Variants in MAP4K1 observed in about 807,000 individuals in gnomAD.
The protein encoded by MAP4K1 is mitogen-activated protein kinase kinase kinase kinase 1.
MAP4K1 carries 35 observed loss-of-function variants against 122.8 expected under a neutral mutation model. The observed-to-expected ratio is 0.29, with a 90% CI of 0.22 to 0.38. The LOEUF is 0.38. MAP4K1 is among the 10% of genes least tolerant of loss of function. The pLI, the probability that MAP4K1 is intolerant of heterozygous loss-of-function variation, is 1.00. For synonymous variants in MAP4K1, 412 were observed against 421.3 expected (o/e 0.98, Z 0.27); for missense variants, 791 against 1,072.6 (o/e 0.74, Z 3.67).
At chr19:38,609,777 CT>C in intron 12 of MAP4K1, 103 bp from the exon 13 acceptor site, 1 of 1,331,300 alleles carries the variant, frequency 7.5e-7, no homozygotes, top group Non-Finnish European at 1.1e-6. Flanking sequence ...GGCACACAGC[CT>C]TTTACCAAGC....
At position 38,597,233 on chromosome 19, in the gene MAP4K1, T is replaced by C; in HGVS notation, c.1837+93A>G. Reference sequence around the variant, plus strand: ...CTTCTGGGTTCTGGACACATTGCCTTAACTCTGTAACCTTCTCAGGTGGAT... The same window carrying C: ...CTTCTGGGTTCTGGACACATTGCCTCAACTCTGTAACCTTCTCAGGTGGAT... On this transcript the variant is annotated intron_variant, in intron 24 of 30. Coordinates refer to ENST00000396857, the MANE Select transcript of MAP4K1 (RefSeq NM_001042600.3). This position sits in a 1 kb window ranked among gnomAD's most constrained non-coding sequence, Gnocchi z 4.6. The C allele has an allele frequency of 6.3e-7, 1 of 1,599,790 alleles. No individual in the cohort carries two copies. Among genetic ancestry groups the C allele is most frequent in the Non-Finnish European group, 8.6e-7 (1 of 1,167,848 alleles).
At chr19:38,602,738 A>G (rs1354571094) in intron 19 of MAP4K1, among the ~76,000 whole-genome samples, 2 of 149,102 alleles carry the variant, frequency 1.3e-5, no homozygotes, top group African/African-American at 5.0e-5. Context: ...ACATGTATAC[A>G]TATATACACA....
Position 38,590,472 on chromosome 19 carries a change from T to TTG in MAP4K1, c.2397-2656_2397-2655insCA, listed in dbSNP as rs1974696693. On this transcript the variant is annotated intron_variant, in intron 30 of 30. Transcript: ENST00000396857. ...GTCACTAGGACAACGGGTGAAATTTTTTGTTGTTGTTGTTGTTGTTTTCTG... is the reference window on the plus strand; with the variant it reads ...GTCACTAGGACAACGGGTGAAATTTTTGTTGTTGTTGTTGTTGTTGTTTTCTG... 2.9e-5 allele frequency among the ~76,000 whole-genome samples: 4 copies of TTG among 138,430 alleles called. No homozygotes were observed. In the East Asian group the frequency reaches 6.7e-4, roughly 23 times the overall value. The allele number at this position is 138,430 out of a possible 152,430, so 90.8% of individuals were successfully genotyped here. A position where few individuals can be genotyped will look rare whatever the true frequency, so the allele number is the denominator to read the frequency against.
intron 9 of MAP4K1, among the ~76,000 whole-genome samples, chr19:38,612,086 G>C (rs1346089417): frequency 3.5e-5 from 5 of 143,034 alleles, no homozygotes; most frequent in Admixed American, 1.4e-4. Flanking sequence ...CAACAAGAGT[G>C]GGACTCCATC....
intron 4 of MAP4K1, chr19:38,614,746 C>A: frequency 2.4e-6 from 1 of 418,278 alleles, no homozygotes. Context: ...CATGGTGAAA[C>A]CCCATCTCTA....
At position 38,601,425 on chromosome 19, in the gene MAP4K1, C is replaced by T. The variant is rs368659736; in HGVS notation, c.1531+16G>A. 56 of 1,597,706 alleles carry T rather than the reference C, an allele frequency of 3.5e-5. No homozygotes were observed. The African/African-American group carries it at 6.7e-4, about 19-fold the overall frequency. On this transcript the variant is annotated intron_variant, in intron 20 of 30. Transcript: ENST00000396857. ...CCATTCCCTACAGGATCTCCTTGAC[C>T]CTCCAGAATGCCCACCCTTGGTGGA...
chr19:38,590,269 T>G (rs75410052), intron 30 of MAP4K1, among the ~76,000 whole-genome samples: 133,807 of 133,808 alleles, frequency 1, 66,903 homozygotes, highest in Non-Finnish European at 1. Context: ...CTTTAATTTT[T>G]AAAAAGGTCA....
At chr19:38,602,851 CATATACAT>C (rs1225676514) in intron 19 of MAP4K1, among the ~76,000 whole-genome samples, 2 of 147,404 alleles carry the variant, frequency 1.4e-5, no homozygotes, top group African/African-American at 2.5e-5. Flanking sequence ...CATATATACA[CATATACAT>C]ATATACACAT....
At chr19:38,602,947 T>C (rs1022648616) in intron 19 of MAP4K1, among the ~76,000 whole-genome samples, 3 of 141,926 alleles carry the variant, frequency 2.1e-5, no homozygotes, top group South Asian at 2.5e-4. Flanking sequence ...TACACATACA[T>C]ATATACACAC....
At position 38,594,184 on chromosome 19, in the gene MAP4K1, C is replaced by G. The variant is rs117839597; in HGVS notation, c.2341-847G>C. Among the ~76,000 whole-genome samples, 1,222 of 152,128 alleles carry G rather than the reference C, an allele frequency of 8.0e-3. 30 individuals are homozygous for G. Among genetic ancestry groups the G allele is most frequent in the East Asian group, 0.059 (305 of 5,158 alleles). ...AGTGGCCCAGGATGAGATTGGGACTCAAGAAATCCAAGAGCAGCCAGGTGC... is the reference window on the plus strand; with the variant it reads ...AGTGGCCCAGGATGAGATTGGGACTGAAGAAATCCAAGAGCAGCCAGGTGC... On this transcript the variant is annotated intron_variant, in intron 29 of 30. Transcript: ENST00000396857.
chr19:38,605,354 CAGGCAT>C, intron 19 of MAP4K1, 49 bp downstream of exon 19: 27 of 1,372,344 alleles, frequency 2.0e-5, no homozygotes, highest in Non-Finnish European at 2.3e-5. Context: ...CCCACCCCAC[CAGGCAT>C]CCCCAGCCCC....
At chr19:38,595,106 T>C (rs1974832772) in intron 29 of MAP4K1, among the ~76,000 whole-genome samples, 1 of 151,630 alleles carries the variant, frequency 6.6e-6, no homozygotes, top group African/African-American at 2.4e-5. Flanking sequence ...CTGATGAACA[T>C]GGTGAAACCC....
At chr19:38,602,732 GTATACATA>G (rs1483962152) in intron 19 of MAP4K1, among the ~76,000 whole-genome samples, 1 of 75,460 alleles carries the variant, frequency 1.3e-5, no homozygotes, top group Non-Finnish European at 3.0e-5. Context: ...ACATATACAT[GTATACATA>G]TATACACATG....
chr19:38,590,510 G>C (rs1599685600), intron 30 of MAP4K1, among the ~76,000 whole-genome samples: 1 of 142,818 alleles, frequency 7.0e-6, no homozygotes, highest in Non-Finnish European at 1.5e-5. Flanking sequence ...ACAGAGTCTC[G>C]CTCTGTCACC....
At chr19:38,608,079 G>C (rs771344205) in intron 14 of MAP4K1, 33 bp downstream of exon 14, 1 of 1,562,002 alleles carries the variant, frequency 6.4e-7, no homozygotes, top group Non-Finnish European at 8.7e-7. Context: ...GGAAGCAGGC[G>C]GTGTGGTGGG....
rs147260795 is a variant in MAP4K1, at chr19:38,591,391, C to T, written c.2396+1891G>A. 9.6e-3 allele frequency among the ~76,000 whole-genome samples: 1,455 copies of T among 151,102 alleles called. 34 individuals are homozygous for T. The highest frequency in any genetic ancestry group is 0.059 in the East Asian group (301 of 5,098). ...TAAAAAAACAAAAAAATTAGCTGGG[C>T]GTGGTGGTGTGCAACTGTAGTCCCA... On this transcript the variant is annotated intron_variant, in intron 30 of 30. Transcript: ENST00000396857.
intron 13 of MAP4K1, among the ~76,000 whole-genome samples, chr19:38,608,799 C>CAA (rs1031744033): frequency 0.049 from 465 of 9,534 alleles, 104 homozygotes; most frequent in Non-Finnish European, 0.083. Flanking sequence ...AACTCCGTCT[C>CAA]AAAAAAAAAA....
chr19:38,590,266 T>C (rs76344561), intron 30 of MAP4K1, among the ~76,000 whole-genome samples: 134,139 of 134,140 alleles, frequency 1, 67,069 homozygotes, highest in Non-Finnish European at 1. Context: ...TTCCTTTAAT[T>C]TTTAAAAAGG....
In MAP4K1 at chr19:38,609,929, T is replaced by C; in HGVS notation, c.907A>G (p.Ile303Val). The C allele has an allele frequency of 3.1e-6, 5 of 1,614,128 alleles. No individual in the cohort carries two copies. The highest frequency in any genetic ancestry group is 1.3e-5 in the African/African-American group (1 of 75,068). Reference sequence around the variant, plus strand: ...CTCACCTCGGGCTCCTCATCCTCAATGTCCCCAATGGAGGGTCCTTTCCCG... The same window carrying C: ...CTCACCTCGGGCTCCTCATCCTCAACGTCCCCAATGGAGGGTCCTTTCCCG... Reference protein sequence around the residue: ...NPGKGPSIGDIEDEEPELPPA... With the variant: ...NPGKGPSIGDVEDEEPELPPA... Residue 303 changes from isoleucine (I) to valine (V), a missense_variant, in exon 12 of 31, where the codon ATT becomes GTT. This residue lies in a region of MAP4K1 where 303 missense variants were observed against 344.8 expected (regional missense o/e 0.88). Coordinates refer to ENST00000396857, the MANE Select transcript of MAP4K1 (RefSeq NM_001042600.3).
Sources: gnomAD v4.1 joint callset for allele counts (sites outside exome capture counted in the v4.1 genomes callset) on GRCh38, gnomAD v4.1.1 for gene constraint, gnomAD v4.1.1 regional missense constraint, Gnocchi (gnomAD v3.1) non-coding constraint, MANE v1.5 for transcripts, NCBI Gene and HGNC (gene_info 2026-07-23, HGNC 2026-07-21) for gene names.